The following ROR1 variants were observed in gnomAD, a reference collection of about 807,000 sequenced individuals.
ROR1 encodes the protein ROR family WNT receptor 1.
A neutral mutation model predicts 78.8 loss-of-function variants in ROR1; 19 were observed. That is an observed-to-expected ratio of 0.24 (90% CI 0.17 to 0.35). The LOEUF is 0.35. ROR1 is among the 10% of genes least tolerant of loss of function. The pLI is 1.00. For synonymous variants in ROR1, 386 were observed against 433.6 expected (o/e 0.89, Z 1.36); for missense variants, 917 against 1,177.8 (o/e 0.78, Z 3.24).
At chr1:63,993,129 T>C (rs912556031) in intron 1 of ROR1, among the ~76,000 whole-genome samples, 2 of 152,200 alleles carry the variant, frequency 1.3e-5, no homozygotes, top group Non-Finnish European at 2.9e-5. Context: ...AAAAATCTTT[T>C]GTCTACATTT....
At chr1:63,827,070 T>C (rs1225640378) in intron 1 of ROR1, among the ~76,000 whole-genome samples, 2 of 152,116 alleles carry the variant, frequency 1.3e-5, no homozygotes, top group Non-Finnish European at 2.9e-5. Context: ...TTCATAATGG[T>C]TGCTGGCTGC....
At chr1:64,154,191 A>G (rs1188953062) in intron 7 of ROR1, among the ~76,000 whole-genome samples, 1 of 152,226 alleles carries the variant, frequency 6.6e-6, no homozygotes, top group Non-Finnish European at 1.5e-5. Flanking sequence ...TAGTATTTCC[A>G]TCATCAAGTC....
intron 1 of ROR1, among the ~76,000 whole-genome samples, chr1:63,935,114 A>G (rs1406038183): frequency 2.0e-5 from 3 of 150,806 alleles, no homozygotes; most frequent in Non-Finnish European, 4.4e-5. Flanking sequence ...AGTGTAAAAT[A>G]TGGTTCAGTA....
intron 1 of ROR1, among the ~76,000 whole-genome samples, chr1:63,856,949 C>A (rs373303014): frequency 6.6e-6 from 1 of 152,086 alleles, no homozygotes; most frequent in Non-Finnish European, 1.5e-5. Context: ...CCTCTCCCTG[C>A]GTTGTTCTTG....
At chr1:63,912,767 C>T (rs1450210257) in intron 1 of ROR1, among the ~76,000 whole-genome samples, 1 of 152,148 alleles carries the variant, frequency 6.6e-6, no homozygotes, top group Admixed American at 6.5e-5. Flanking sequence ...TCATCTGATA[C>T]TTGTGCTTCT....
chr1:64,108,989 C>A (rs1268178827), intron 4 of ROR1, among the ~76,000 whole-genome samples: 1 of 152,132 alleles, frequency 6.6e-6, no homozygotes, highest in Non-Finnish European at 1.5e-5. Flanking sequence ...CTTGGACACA[C>A]CCCAGAGCTA....
intron 1 of ROR1, among the ~76,000 whole-genome samples, chr1:63,870,023 C>T (rs1645241711): frequency 6.6e-6 from 1 of 152,204 alleles, no homozygotes; most frequent in African/African-American, 2.4e-5. Context: ...ACAAATATTA[C>T]AACAGAAACT....
At chr1:63,784,000 TG>T (rs745360727) in intron 1 of ROR1, among the ~76,000 whole-genome samples, 3 of 152,026 alleles carry the variant, frequency 2.0e-5, no homozygotes, top group African/African-American at 4.8e-5. Context: ...GCCTGAGTTT[TG>T]TTCCTAATCA....
chr1:64,090,599 G>A (rs925039768), intron 4 of ROR1, among the ~76,000 whole-genome samples: 6 of 152,144 alleles, frequency 3.9e-5, no homozygotes, highest in South Asian at 2.1e-4. Flanking sequence ...AATTAGTTCC[G>A]ACCCCACGTG....
chr1:64,017,125 T>C (rs1443510899), intron 2 of ROR1, among the ~76,000 whole-genome samples: 4 of 151,996 alleles, frequency 2.6e-5, no homozygotes, highest in Non-Finnish European at 5.9e-5. Context: ...CAGGCTTGTC[T>C]TGAACTTTTA....
chr1:63,915,946 C>A (rs1222019709), intron 1 of ROR1, among the ~76,000 whole-genome samples: 2 of 152,108 alleles, frequency 1.3e-5, no homozygotes, highest in African/African-American at 4.8e-5. Context: ...TACATGTAAA[C>A]TTTCCCCTGG....
At chr1:63,889,541 A>C (rs1425847347) in intron 1 of ROR1, among the ~76,000 whole-genome samples, 1 of 152,150 alleles carries the variant, frequency 6.6e-6, no homozygotes, top group Non-Finnish European at 1.5e-5. Flanking sequence ...AAGTGCATGC[A>C]ACCCTGGCTT....
chr1:64,104,293 A>G (rs1384094259), intron 4 of ROR1, among the ~76,000 whole-genome samples: 1 of 152,022 alleles, frequency 6.6e-6, no homozygotes, highest in Non-Finnish European at 1.5e-5. Context: ...TGTCTCTACC[A>G]CACTCAGCTG....
chr1:63,815,484 C>CTTTTTTTTTTTTTTTTTTTTCT (rs34749985), intron 1 of ROR1, among the ~76,000 whole-genome samples: 1 of 85,350 alleles, frequency 1.2e-5, no homozygotes, highest in Non-Finnish European at 2.2e-5. Context: ...TTTTCTTTTT[C>CTTTTTTTTTTTTTTTTTTTTCT]TTTTTTTTTT....
At chr1:64,122,374 T>A (rs1485132352) in intron 4 of ROR1, among the ~76,000 whole-genome samples, 1 of 152,202 alleles carries the variant, frequency 6.6e-6, no homozygotes, top group Non-Finnish European at 1.5e-5. Flanking sequence ...TGTTCTTCCA[T>A]CATTTCTGAG....
intron 1 of ROR1, among the ~76,000 whole-genome samples, chr1:63,803,466 C>T (rs994102370): frequency 6.6e-6 from 1 of 151,922 alleles, no homozygotes; most frequent in African/African-American, 2.4e-5. Context: ...GCCTCAGTCT[C>T]CTGAGTAGCT....
At chr1:63,951,716 C>A (rs1164369752) in intron 1 of ROR1, among the ~76,000 whole-genome samples, 3 of 152,184 alleles carry the variant, frequency 2.0e-5, no homozygotes, top group Non-Finnish European at 4.4e-5. Context: ...ACACCCCCCC[C>A]TCACCACCAG....
intron 1 of ROR1, among the ~76,000 whole-genome samples, chr1:63,797,082 A>G (rs1307565092): frequency 6.6e-6 from 1 of 152,168 alleles, no homozygotes; most frequent in East Asian, 1.9e-4. Context: ...TTTTGCATTA[A>G]AAGGGTTCTT....
chr1:63,928,056 G>T (rs531483513), intron 1 of ROR1, among the ~76,000 whole-genome samples: 1 of 149,552 alleles, frequency 6.7e-6, no homozygotes, highest in East Asian at 2.0e-4. Flanking sequence ...CTGCATCCTT[G>T]TCCTCATGGA....
Sources: allele counts gnomAD v4.1 joint callset (sites outside exome capture counted in the v4.1 genomes callset), GRCh38; gene constraint gnomAD v4.1.1; transcripts MANE v1.5; gene names NCBI Gene and HGNC (gene_info 2026-07-23, HGNC 2026-07-21).